The following PAX5 variants were observed in gnomAD, a reference collection of about 807,000 sequenced individuals.
The protein encoded by PAX5 is paired box protein Pax-5.
PAX5 carries 9 observed loss-of-function variants against 43.7 expected under a neutral mutation model. The ratio of observed to expected loss-of-function variants is 0.21; its 90% CI spans 0.12 to 0.36. PAX5 has a LOEUF of 0.36. Among genes scored for constraint, PAX5 ranks in the 10% least tolerant of loss-of-function variants. The pLI, the probability that PAX5 is intolerant of heterozygous loss-of-function variation, is 1.00. For synonymous variants in PAX5, 228 were observed against 214.3 expected (o/e 1.06, Z -0.56); for missense variants, 383 against 532.7 (o/e 0.72, Z 2.77).
intron 6 of PAX5, among the ~76,000 whole-genome samples, chr9:36,951,108 G>A (rs997141702): frequency 3.9e-5 from 6 of 152,150 alleles, no homozygotes; most frequent in Non-Finnish European, 8.8e-5. Context: ...TTGGGGGTAG[G>A]GAAGTAGGGT....
intron 6 of PAX5, among the ~76,000 whole-genome samples, chr9:36,932,592 C>T (rs2132019147): frequency 6.6e-6 from 1 of 152,284 alleles, no homozygotes; most frequent in East Asian, 1.9e-4. Context: ...AACTATAAAC[C>T]AGCATGAGGG....
chr9:36,951,553 G>C (rs111364120), intron 6 of PAX5, among the ~76,000 whole-genome samples: 1,855 of 152,174 alleles, frequency 0.012, 28 homozygotes, highest in African/African-American at 0.043. Flanking sequence ...TATTTGGTTA[G>C]TATTGCCATA....
chr9:37,017,513 T>C (rs1236076011), intron 2 of PAX5, among the ~76,000 whole-genome samples: 10 of 152,266 alleles, frequency 6.6e-5, no homozygotes, highest in Admixed American at 6.5e-4. Flanking sequence ...TTTTCATTCA[T>C]TCACTCACTC....
intron 5 of PAX5, among the ~76,000 whole-genome samples, chr9:37,000,872 C>T (rs766464082): frequency 4.7e-4 from 71 of 152,332 alleles, no homozygotes; most frequent in Non-Finnish European, 7.3e-5. Context: ...CCATGTCAGC[C>T]CTCCAAATAC....
At position 36,966,624 on chromosome 9, in the gene PAX5, C is replaced by T. The variant is rs2132194341; in HGVS notation, c.705G>A (p.Glu235=). 3.1e-6 allele frequency: 5 copies of T among 1,614,246 alleles called. No homozygotes were observed. The highest frequency in any genetic ancestry group is 4.2e-6 in the Non-Finnish European group (5 of 1,180,042). Residue 235 remains glutamate (E), a synonymous_variant, in exon 6 of 10, where the codon GAG becomes GAA. Transcript: ENST00000358127. ...RGDLFTQQQL[E]VLDRVFERQH... is the part of the protein sequence containing the mutation. ...GCCTCTCAAACACGCGGTCCAGCAC[C>T]TCCAGCTGCTGCTGTGTGAACAAGT...
intron 8 of PAX5, among the ~76,000 whole-genome samples, chr9:36,853,580 T>G (rs1161143779): frequency 6.6e-6 from 1 of 152,250 alleles, no homozygotes; most frequent in East Asian, 1.9e-4. Flanking sequence ...GAATGTATGC[T>G]GTTTCCTCAA....
intron 5 of PAX5, among the ~76,000 whole-genome samples, chr9:36,996,898 A>T (rs1480871145): frequency 6.6e-6 from 1 of 152,162 alleles, no homozygotes; most frequent in East Asian, 1.9e-4. Flanking sequence ...AAGGAGAGGG[A>T]GAGAGAGAGT....
chr9:36,984,903 A>G (rs10973154), intron 5 of PAX5, among the ~76,000 whole-genome samples: 17,395 of 152,222 alleles, frequency 0.11, 1,417 homozygotes, highest in African/African-American at 0.23. Flanking sequence ...CACACTATAA[A>G]GCCAAAGAGA....
rs577487733 is a variant in PAX5 at position 36,877,323 on chromosome 9, A to C, written c.1012+4681T>G. ...GCACTCCAGCTTGGGCGACGGCCAG[A>C]GTGAGACCATGCCTTCATTTAAAAA... is the stretch of plus-strand genomic sequence containing the variant. On this transcript the variant is annotated intron_variant, in intron 8 of 9. Coordinates refer to ENST00000358127, the MANE Select transcript of PAX5 (RefSeq NM_016734.3). Among the ~76,000 whole-genome samples the C allele has an allele frequency of 3.9e-5, 6 of 152,224 alleles. No individual in the cohort carries two copies. The South Asian group carries it at 1.2e-3, about 32-fold the overall frequency.
chr9:36,923,999 C>T (rs1298610651), intron 6 of PAX5, among the ~76,000 whole-genome samples: 1 of 152,138 alleles, frequency 6.6e-6, no homozygotes, highest in East Asian at 1.9e-4. Context: ...AACTGAGGCT[C>T]AAGGGGAGGA....
At chr9:36,843,077 T>C (rs1251518454) in intron 9 of PAX5, among the ~76,000 whole-genome samples, 1 of 151,576 alleles carries the variant, frequency 6.6e-6, no homozygotes, top group Non-Finnish European at 1.5e-5. Context: ...AGCGTGTGTG[T>C]GCCTGTGTGT....
In PAX5 at chr9:36,860,652, C is replaced by T. The variant is rs530795019; in HGVS notation, c.1013-13723G>A. Among the ~76,000 whole-genome samples, 94 of 152,304 alleles carry T rather than the reference C, an allele frequency of 6.2e-4. 2 individuals carry two copies. In the South Asian group the frequency reaches 0.018, roughly 29 times the overall value. ...AGCACTGATCCTTGTTAAAGAGTTTCGCTAGCGTCCTCAGAGGCATGCTGG... is the reference window on the plus strand; with the variant it reads ...AGCACTGATCCTTGTTAAAGAGTTTTGCTAGCGTCCTCAGAGGCATGCTGG... On this transcript the variant is annotated intron_variant, in intron 8 of 9. Coordinates refer to ENST00000358127, the MANE Select transcript of PAX5 (RefSeq NM_016734.3).
intron 1 of PAX5, among the ~76,000 whole-genome samples, chr9:37,024,847 C>T (rs1006652773): frequency 1.3e-5 from 2 of 152,212 alleles, no homozygotes; most frequent in Admixed American, 6.5e-5. Flanking sequence ...ACCTCTGGGC[C>T]ACCGAGCGCT....
At position 37,034,124 on chromosome 9, in the gene PAX5, T is replaced by G. The variant is rs1841309348; in HGVS notation, c.-93A>C. 10 of 773,692 alleles carry G rather than the reference T, an allele frequency of 1.3e-5. No homozygotes were observed. The highest frequency in any genetic ancestry group is 2.1e-5 in the Non-Finnish European group (10 of 485,788). The allele number at this position is 773,692 out of a possible 1,614,324, so 47.9% of individuals were successfully genotyped here. A position where few individuals can be genotyped will look rare whatever the true frequency, so the allele number is the denominator to read the frequency against. ...TTTTTTTTTTTTTTTTTTTTTTTTT[T>G]TTGGTGCCAGGGGCCGCTCACAGGT... On this transcript the variant is annotated 5_prime_UTR_variant, in exon 1 of 10. Transcript: ENST00000358127.
In PAX5 at chr9:36,911,451, C is replaced by T. The variant is rs569923298; in HGVS notation, c.910+11904G>A. Among the ~76,000 whole-genome samples the T allele has an allele frequency of 3.3e-5, 5 of 152,300 alleles. No homozygotes were observed. The South Asian group carries it at 1.0e-3, about 32-fold the overall frequency. On this transcript the variant is annotated intron_variant, in intron 7 of 9. Transcript: ENST00000358127. Reference sequence around the variant, plus strand: ...GCTGGAATTACAGGCATGAGCCACACGCCCGGCCCACAGAACAACTCTGAT... The same window carrying T: ...GCTGGAATTACAGGCATGAGCCACATGCCCGGCCCACAGAACAACTCTGAT...
intron 6 of PAX5, among the ~76,000 whole-genome samples, chr9:36,930,337 C>T (rs1319140724): frequency 6.6e-6 from 1 of 151,352 alleles, no homozygotes; most frequent in Non-Finnish European, 1.5e-5. Flanking sequence ...GATCCTCCCA[C>T]CTCAGCCTCC....
rs1432027369 is a variant in PAX5 at position 37,020,046 on chromosome 9, C to T, written c.212+590G>A. Among the ~76,000 whole-genome samples the T allele has an allele frequency of 4.0e-5, 6 of 150,834 alleles. No individual in the cohort carries two copies. In the South Asian group the frequency reaches 8.4e-4, roughly 21 times the overall value. On this transcript the variant is annotated intron_variant, in intron 2 of 9. Transcript: ENST00000358127. ...TGTTAGTATTTTGTTTGCAGCAAAT[C>T]GCCAGGTCAAGTGGCAACTTTCAAA... is the stretch of plus-strand genomic sequence containing the variant.
intron 8 of PAX5, among the ~76,000 whole-genome samples, chr9:36,865,265 A>C (rs986085213): frequency 1.3e-5 from 2 of 151,966 alleles, no homozygotes; most frequent in African/African-American, 4.8e-5. Context: ...CGAGTCAGCA[A>C]CCCTCAGCTT....
At chr9:36,880,440 GT>G (rs1289950270) in intron 8 of PAX5, among the ~76,000 whole-genome samples, 13 of 152,266 alleles carry the variant, frequency 8.5e-5, no homozygotes, top group African/African-American at 3.1e-4. Context: ...GAGGGGTGTG[GT>G]TATGTCCGTT....
Sources: gnomAD v4.1 joint callset for allele counts (sites outside exome capture counted in the v4.1 genomes callset) on GRCh38, gnomAD v4.1.1 for gene constraint, MANE v1.5 for transcripts, NCBI Gene and HGNC (gene_info 2026-07-23, HGNC 2026-07-21) for gene names.